Variants in PRELID2 observed in about 807,000 individuals in gnomAD.
PRELID2 encodes PRELI domain containing 2, also known as PRELI domain-containing protein 2.
Under a neutral mutation model 28.4 loss-of-function variants are expected in PRELID2, and 25 were observed. The ratio of observed to expected loss-of-function variants is 0.88; its 90% confidence interval spans 0.64 to 1.23. PRELID2 has a LOEUF of 1.23. PRELID2 is among the 50% of genes most tolerant of loss of function. The pLI is 0.00. For missense variants in PRELID2, 201 were observed against 214.4 expected, an observed-to-expected ratio of 0.94 and a Z score of 0.39; for synonymous variants, 76 against 71.6, an observed-to-expected ratio of 1.06 and a Z score of -0.31.
chr5:145,652,839 C>T (rs890364919), intron 1 of PRELID2, among the ~76,000 whole-genome samples: 1 of 152,164 alleles, frequency 6.6e-6, no homozygotes, highest in Admixed American at 6.5e-5. Flanking sequence ...GAAACTGCAT[C>T]AATTGACAGG....
intron 1 of PRELID2, among the ~76,000 whole-genome samples, chr5:145,599,611 A>G (rs112467549): frequency 9.9e-4 from 151 of 152,286 alleles, no homozygotes; most frequent in African/African-American, 3.5e-3. Flanking sequence ...CATATAGATG[A>G]TAAACTCCAT....
intron 1 of PRELID2, among the ~76,000 whole-genome samples, chr5:145,523,064 T>C (rs373932434): frequency 6.6e-5 from 10 of 152,298 alleles, no homozygotes; most frequent in East Asian, 1.9e-4. Context: ...CATCTTAATA[T>C]TAAGACATGG....
At chr5:145,448,440 G>A in the PRELID2 span, among the ~76,000 whole-genome samples, 2 of 152,044 alleles carry the variant, frequency 1.3e-5, no homozygotes, top group African/African-American at 4.8e-5. Context: ...CACTCTGATG[G>A]TAGTTTCTTT....
At chr5:145,550,704 G>C (rs543452123) in intron 1 of PRELID2, among the ~76,000 whole-genome samples, 10 of 152,090 alleles carry the variant, frequency 6.6e-5, no homozygotes, top group Non-Finnish European at 8.8e-5. Flanking sequence ...AGGAAACCAA[G>C]GGGAATAAAT....
intron 1 of PRELID2, among the ~76,000 whole-genome samples, chr5:145,478,286 A>G (rs949589835): frequency 6.6e-6 from 1 of 152,108 alleles, no homozygotes; most frequent in Admixed American, 6.6e-5. Context: ...AGTGGCTCAC[A>G]CCTGTAATCC....
the PRELID2 span, among the ~76,000 whole-genome samples, chr5:145,365,041 T>C: frequency 6.6e-6 from 1 of 151,978 alleles, no homozygotes; most frequent in Non-Finnish European, 1.5e-5. Context: ...GACTTCTCCA[T>C]ATAATGATGT....
intron 5 of PRELID2, among the ~76,000 whole-genome samples, chr5:145,773,077 C>T (rs1406697351): frequency 1.3e-5 from 2 of 152,180 alleles, no homozygotes; most frequent in Non-Finnish European, 2.9e-5. Context: ...CTTTGCTTCA[C>T]ATTATAAAGC....
At chr5:145,716,618 T>C (rs545003697) in intron 1 of PRELID2, among the ~76,000 whole-genome samples, 35 of 152,226 alleles carry the variant, frequency 2.3e-4, no homozygotes, top group Non-Finnish European at 4.3e-4. Flanking sequence ...TTTGAGTTTT[T>C]ATTCATAAGA....
chr5:145,632,431 G>GA (rs1369178571), intron 1 of PRELID2, among the ~76,000 whole-genome samples: 1 of 152,100 alleles, frequency 6.6e-6, no homozygotes, highest in Non-Finnish European at 1.5e-5. Context: ...GTGAATATTA[G>GA]AAAAAATCAC....
chr5:145,366,646 T>C, the PRELID2 span, among the ~76,000 whole-genome samples: 1 of 151,884 alleles, frequency 6.6e-6, no homozygotes, highest in Non-Finnish European at 1.5e-5. Flanking sequence ...GCTTTTACTG[T>C]TGAAATACTT....
intron 5 of PRELID2, among the ~76,000 whole-genome samples, chr5:145,793,666 T>C (rs1752542889): frequency 6.6e-6 from 1 of 152,180 alleles, no homozygotes; most frequent in African/African-American, 2.4e-5. Flanking sequence ...GGAATCACTT[T>C]AAGAAGTTGA....
chr5:145,430,775 T>C, the PRELID2 span, among the ~76,000 whole-genome samples: 1 of 152,168 alleles, frequency 6.6e-6, no homozygotes, highest in Non-Finnish European at 1.5e-5. Context: ...TTAAAACTCT[T>C]AGTTTAATAA....
chr5:145,299,692 T>A, the PRELID2 span, among the ~76,000 whole-genome samples: 1 of 149,152 alleles, frequency 6.7e-6, no homozygotes, highest in African/African-American at 2.5e-5. Flanking sequence ...AAAATAAGAT[T>A]TTATGGGACT....
chr5:145,470,515 A>G (rs1486081743), downstream of PRELID2, among the ~76,000 whole-genome samples: 1 of 152,084 alleles, frequency 6.6e-6, no homozygotes, highest in Non-Finnish European at 1.5e-5. Flanking sequence ...ATGGGTTATT[A>G]CTATTTTCAT....
chr5:145,419,573 G>T, the PRELID2 span, among the ~76,000 whole-genome samples: 1 of 142,162 alleles, frequency 7.0e-6, no homozygotes, highest in Non-Finnish European at 1.5e-5. Flanking sequence ...TTTTTGATGG[G>T]GTTGTTTGTT....
At chr5:145,638,171 T>C (rs1754034407) in intron 1 of PRELID2, among the ~76,000 whole-genome samples, 1 of 152,214 alleles carries the variant, frequency 6.6e-6, no homozygotes, top group Non-Finnish European at 1.5e-5. Flanking sequence ...ATTATTGATA[T>C]TGGTACTACT....
At chr5:145,703,307 T>C (rs1263064630) in intron 1 of PRELID2, among the ~76,000 whole-genome samples, 1 of 152,218 alleles carries the variant, frequency 6.6e-6, no homozygotes, top group East Asian at 1.9e-4. Context: ...GATTCAGCAG[T>C]TTAGACATTA....
chr5:145,594,626 AAAGT>A lies in PRELID2; in HGVS notation n.71-121315_71-121312del, dbSNP rs536185334. Among the ~76,000 whole-genome samples the A allele has an allele frequency of 1.3e-3, 196 of 152,344 alleles. 2 individuals carry two copies. Among genetic ancestry groups the A allele is most frequent in the African/African-American group, 4.6e-3 (192 of 41,594 alleles). ...TAAATGTCCAACTTATGTAGCCACA[AAAGT>A]AATTATATAGATGTATATTTATTGA... On this transcript the variant is annotated intron_variant and non_coding_transcript_variant, in intron 1 of 2. Coordinates refer to the PRELID2 transcript ENST00000510259.
At chr5:145,808,859 G>T (rs1203948930) in intron 4 of PRELID2, among the ~76,000 whole-genome samples, 1 of 151,088 alleles carries the variant, frequency 6.6e-6, no homozygotes, top group Non-Finnish European at 1.5e-5. Flanking sequence ...ACTCCAGCCT[G>T]GGCAACAGAG....
Sources: gnomAD v4.1 joint callset for allele counts (sites outside exome capture counted in the v4.1 genomes callset) on GRCh38, gnomAD v4.1.1 for gene constraint, MANE v1.5 for transcripts, NCBI Gene and HGNC (gene_info 2026-07-23, HGNC 2026-07-21) for gene names.